CLYBL: variants seen among roughly 807,000 people sequenced by gnomAD.
CLYBL encodes citramalyl-CoA lyase, mitochondrial.
CLYBL carries 31 observed loss-of-function variants against 38.9 expected under a neutral mutation model. That is an observed-to-expected ratio of 0.80 (90% CI 0.60 to 1.08). The LOEUF (loss-of-function observed/expected upper bound fraction) is 1.08. Ranked by LOEUF, CLYBL falls within the 50% of genes least tolerant of loss-of-function variation. The pLI, the probability that CLYBL is intolerant of heterozygous loss-of-function variation, is 0.00. For synonymous variants in CLYBL, 171 were observed against 158.6 expected, an observed-to-expected ratio of 1.08 and a Z score of -0.59; for missense variants, 434 against 411.6, an observed-to-expected ratio of 1.05 and a Z score of -0.47.
intron 7 of CLYBL, among the ~76,000 whole-genome samples, chr13:99,891,015 T>G (rs2052474872): frequency 6.6e-6 from 1 of 152,194 alleles, no homozygotes; most frequent in Non-Finnish European, 1.5e-5. Context: ...GGGAAGTATT[T>G]AGATTTTCCT....
chr13:99,784,565 G>C (rs189238511), intron 2 of CLYBL, among the ~76,000 whole-genome samples: 8 of 145,840 alleles, frequency 5.5e-5, no homozygotes, highest in Non-Finnish European at 9.0e-5. Context: ...AGCAATTCTC[G>C]TGCCTCAGCC....
intron 1 of CLYBL, among the ~76,000 whole-genome samples, chr13:99,625,900 A>G (rs1334440445): frequency 3.3e-5 from 5 of 152,246 alleles, no homozygotes; most frequent in Non-Finnish European, 4.4e-5. Flanking sequence ...GCCAGGTTCC[A>G]GAAGGTGCTT....
chr13:99,860,656 C>T (rs921002900), intron 3 of CLYBL, among the ~76,000 whole-genome samples: 7 of 152,224 alleles, frequency 4.6e-5, no homozygotes, highest in East Asian at 1.9e-4. Context: ...GCCAGCCTTC[C>T]GCTATGGCTT....
At chr13:99,848,743 G>GC (rs779489554) in intron 2 of CLYBL, among the ~76,000 whole-genome samples, 4 of 152,176 alleles carry the variant, frequency 2.6e-5, no homozygotes, top group Non-Finnish European at 5.9e-5. Flanking sequence ...TTCTAACTTT[G>GC]CCCCTCTGAG....
chr13:99,800,894 CAAAAAAAAAAAACA>C (rs1420044043), intron 2 of CLYBL, among the ~76,000 whole-genome samples: 5 of 114,510 alleles, frequency 4.4e-5, no homozygotes, highest in African/African-American at 9.2e-5. Flanking sequence ...ACAACAACAA[CAAAAAAAAAAAACA>C]AAAAAAAAAA....
intron 6 of CLYBL, among the ~76,000 whole-genome samples, chr13:99,870,584 C>T (rs1005545742): frequency 6.6e-6 from 1 of 151,966 alleles, no homozygotes; most frequent in African/African-American, 2.4e-5. Context: ...CAAAATAATC[C>T]CTCTAATTTG....
chr13:99,708,247 C>T (rs1456023340), intron 1 of CLYBL, among the ~76,000 whole-genome samples: 1 of 152,182 alleles, frequency 6.6e-6, no homozygotes, highest in African/African-American at 2.4e-5. Flanking sequence ...TCCCAAAGTG[C>T]TAGGATTACA....
chr13:99,667,902 G>T (rs951367129), intron 1 of CLYBL, among the ~76,000 whole-genome samples: 2 of 152,144 alleles, frequency 1.3e-5, no homozygotes, highest in African/African-American at 4.8e-5. Flanking sequence ...ATGAAGGTTT[G>T]CCCATCATTT....
chr13:99,830,597 G>A (rs2139071915), intron 2 of CLYBL, among the ~76,000 whole-genome samples: 1 of 152,254 alleles, frequency 6.6e-6, no homozygotes, highest in African/African-American at 2.4e-5. Context: ...GTGAGTCTGT[G>A]ACAGTCCCTA....
chr13:99,677,713 G>C (rs2047674519), intron 1 of CLYBL, among the ~76,000 whole-genome samples: 1 of 152,228 alleles, frequency 6.6e-6, no homozygotes, highest in Admixed American at 6.5e-5. Context: ...ATCACAATCA[G>C]TTTACAGTTG....
chr13:99,883,250 G>A (rs1428287918), intron 7 of CLYBL, among the ~76,000 whole-genome samples: 2 of 152,170 alleles, frequency 1.3e-5, no homozygotes, highest in East Asian at 3.9e-4. Context: ...ACCGGGCGCA[G>A]TGGCTTACCC....
At chr13:99,834,901 T>C (rs1238945006) in intron 2 of CLYBL, among the ~76,000 whole-genome samples, 6 of 152,206 alleles carry the variant, frequency 3.9e-5, no homozygotes, top group African/African-American at 1.4e-4. Context: ...GGTGATGTGA[T>C]CGAGATCCTA....
chr13:99,791,521 G>T (rs1473128101), intron 2 of CLYBL, among the ~76,000 whole-genome samples: 1 of 152,132 alleles, frequency 6.6e-6, no homozygotes, highest in African/African-American at 2.4e-5. Context: ...GCTTGTGCCT[G>T]TGTCTGGATT....
At chr13:99,828,530 T>A (rs1274950280) in intron 2 of CLYBL, among the ~76,000 whole-genome samples, 1 of 152,198 alleles carries the variant, frequency 6.6e-6, no homozygotes, top group East Asian at 1.9e-4. Context: ...TGAAACTAAT[T>A]AAAAGGGAAA....
intron 1 of CLYBL, among the ~76,000 whole-genome samples, chr13:99,641,235 AT>A (rs2047088780): frequency 6.6e-6 from 1 of 152,252 alleles, no homozygotes; most frequent in African/African-American, 2.4e-5. Context: ...GTAATTAATC[AT>A]TTATAACCTA....
chr13:99,847,330 G>A (rs1011298456), intron 2 of CLYBL, among the ~76,000 whole-genome samples: 1 of 152,212 alleles, frequency 6.6e-6, no homozygotes, highest in Non-Finnish European at 1.5e-5. Flanking sequence ...GAGGTCCTTT[G>A]ATGACACTGT....
At chr13:99,841,812 C>CTTTTTT (rs67827288) in intron 2 of CLYBL, among the ~76,000 whole-genome samples, 2 of 105,396 alleles carry the variant, frequency 1.9e-5, no homozygotes, top group Admixed American at 1.0e-4. Flanking sequence ...TTTTCTTTTC[C>CTTTTTT]TTTTTTTTTT....
intron 2 of CLYBL, among the ~76,000 whole-genome samples, chr13:99,847,337 C>T (rs1366204963): frequency 6.6e-6 from 1 of 152,234 alleles, no homozygotes. Context: ...TTTGATGACA[C>T]TGTTCCCTTT....
At chr13:99,772,319 C>T (rs1271495940) in intron 1 of CLYBL, among the ~76,000 whole-genome samples, 1 of 152,116 alleles carries the variant, frequency 6.6e-6, no homozygotes, top group Non-Finnish European at 1.5e-5. Context: ...TAAACCTCAG[C>T]CAAAATAACA....
Sources: allele counts gnomAD v4.1 joint callset (sites outside exome capture counted in the v4.1 genomes callset), GRCh38; gene constraint gnomAD v4.1.1; transcripts MANE v1.5; gene names NCBI Gene and HGNC (gene_info 2026-07-23, HGNC 2026-07-21).